Variants in ZFP90 observed in about 807,000 individuals in gnomAD.
ZFP90 encodes zinc finger protein 90 homolog.
A neutral mutation model predicts 60.8 loss-of-function variants in ZFP90; 38 were observed. The ratio of observed to expected loss-of-function variants is 0.62; its 90% confidence interval spans 0.48 to 0.82. The LOEUF (loss-of-function observed/expected upper bound fraction) is 0.82. Among genes scored for constraint, ZFP90 ranks in the 40% least tolerant of loss-of-function variants. The probability of loss-of-function intolerance (pLI) is 0.00; values close to 1 mark genes in which losing one functional copy is unlikely to be tolerated. For missense variants in ZFP90, 711 were observed against 759.1 expected, an observed-to-expected ratio of 0.94 and a Z score of 0.74; for synonymous variants, 287 against 264.8, an observed-to-expected ratio of 1.08 and a Z score of -0.82.
At chr16:68,555,297 G>A (rs1219724206) in intron 2 of ZFP90, 3 of 152,138 alleles carry the variant, frequency 2.0e-5, no homozygotes, top group Non-Finnish European at 4.4e-5. Flanking sequence ...GTAAATCCAG[G>A]CACCTTGTAA....
intron 2 of ZFP90, among the ~76,000 whole-genome samples, chr16:68,541,021 C>G (rs2091039413): frequency 6.7e-6 from 1 of 150,050 alleles, no homozygotes; most frequent in Non-Finnish European, 1.5e-5. Flanking sequence ...CCATGCCCGG[C>G]TAATTTTTGT....
chr16:68,539,746 C>T lies in ZFP90; in HGVS notation c.-35-12C>T, dbSNP rs756527239. ...TGCAGCGGGGTGAGTGGGCCCTGTC[C>T]TTTCTCCCCAGCTCCTGCCCCGGAG... is the stretch of plus-strand genomic sequence containing the variant. On this transcript the variant is annotated splice_polypyrimidine_tract_variant and intron_variant, in intron 1 of 4. Coordinates refer to ENST00000563169, the MANE Select transcript of ZFP90 (RefSeq NM_001305203.2). 28 of 1,545,288 alleles carry T rather than the reference C, an allele frequency of 1.8e-5. No homozygotes were observed. The East Asian group carries it at 3.8e-4, about 21-fold the overall frequency.
chr16:68,552,666 A>AG (rs1480871458), intron 2 of ZFP90, among the ~76,000 whole-genome samples: 1 of 152,156 alleles, frequency 6.6e-6, no homozygotes, highest in Non-Finnish European at 1.5e-5. Context: ...GAGAAGCCAG[A>AG]GTGGGGGCTG....
chr16:68,559,995 A>C (rs976784750), intron 4 of ZFP90, among the ~76,000 whole-genome samples: 2 of 152,156 alleles, frequency 1.3e-5, no homozygotes, highest in African/African-American at 4.8e-5. Context: ...TTGCTTCCCA[A>C]AGTGTTGGGA....
Position 68,563,942 on chromosome 16 carries a change from G to C in ZFP90, c.1155G>C (p.Glu385Asp). The C allele has an allele frequency of 6.2e-7, 1 of 1,614,162 alleles. No individual in the cohort carries two copies. The highest frequency in any genetic ancestry group is 8.5e-7 in the Non-Finnish European group (1 of 1,180,016). ...FSRCSSLVQH[E>D]RTHTGEKPFE... The stretch of plus-strand genomic sequence containing the variant: ...GATGTTCTTCCCTTGTCCAACATGA[G>C]AGGACTCATACTGGAGAGAAACCTT... The change falls in exon 5 of 5, where the codon GAG (glutamate) becomes GAC (aspartate). Residue 385 changes from glutamate to aspartate, a missense_variant. By Grantham distance (45) the Glu-to-Asp change is conservative. This residue lies in a region of ZFP90 where 146 missense variants were observed against 201.4 expected (regional missense o/e 0.73). Coordinates refer to ENST00000563169, the MANE Select transcript of ZFP90 (RefSeq NM_001305203.2).
chr16:68,556,500 C>T (rs1386536231), intron 2 of ZFP90, among the ~76,000 whole-genome samples: 1 of 152,208 alleles, frequency 6.6e-6, no homozygotes, highest in Non-Finnish European at 1.5e-5. Flanking sequence ...GAAATAATCA[C>T]AGTACCTGCT....
intron 2 of ZFP90, chr16:68,557,363 G>A: frequency 2.3e-6 from 1 of 439,444 alleles, no homozygotes; most frequent in Admixed American, 2.4e-5. Flanking sequence ...TTAATCAGTG[G>A]GTACCTGTGA....
Position 68,565,694 on chromosome 16 carries a change from T to C in ZFP90, c.*996T>C. 3.0e-6 allele frequency: 3 copies of C among 983,972 alleles called. No individual in the cohort carries two copies. The highest frequency in any genetic ancestry group is 3.6e-6 in the Non-Finnish European group (3 of 829,710). 61.0% of individuals were successfully genotyped at this position (983,972 alleles called of 1,614,324 possible). On this transcript the variant is annotated 3_prime_UTR_variant, in exon 5 of 5. Transcript: ENST00000563169. ...GATCAATGGGAAAACAACAGAAAACTAAGAGGAGAATTTTCCCGTTAATTT... is the reference window on the plus strand; with the variant it reads ...GATCAATGGGAAAACAACAGAAAACCAAGAGGAGAATTTTCCCGTTAATTT...
At chr16:68,575,068 G>C (rs2091587098) in intron 2 of ZFP90, among the ~76,000 whole-genome samples, 1 of 152,174 alleles carries the variant, frequency 6.6e-6, no homozygotes, top group Admixed American at 6.5e-5. Context: ...GGGAAAATAA[G>C]CTGTGGTTTA....
chr16:68,565,741 A>G lies in ZFP90; in HGVS notation c.*1043A>G, dbSNP rs1039432407. 7.1e-6 allele frequency: 7 copies of G among 985,280 alleles called. No individual in the cohort carries two copies. The African/African-American group carries it at 1.0e-4, about 15-fold the overall frequency. The allele number at this position is 985,280 out of a possible 1,614,324, so 61.0% of individuals were successfully genotyped here. A position where few individuals can be genotyped will look rare whatever the true frequency, so the allele number is the denominator to read the frequency against. ...ATTTTCTTGCAGAAAAGTTAAGTCT[A>G]ATTGCCCATTGCCATAAATTTTGCC... On this transcript the variant is annotated 3_prime_UTR_variant, in exon 5 of 5. Transcript: ENST00000563169.
rs1381211416 is a variant in ZFP90, at chr16:68,566,361, A to T, written c.*1663A>T. On this transcript the variant is annotated 3_prime_UTR_variant, in exon 5 of 5. Transcript: ENST00000563169. ...GATAGATAAATTTTCCCAGCCCTAA[A>T]TATGAATCATGGGGCAAGATATTGG... The T allele has an allele frequency of 3.5e-5, 34 of 985,392 alleles. No homozygotes were observed. The Admixed American group carries it at 6.8e-4, about 20-fold the overall frequency. The allele number at this position is 985,392 out of a possible 1,614,324, so 61.0% of individuals were successfully genotyped here.
At chr16:68,533,952 T>C (rs1178009641) in intron 2 of ZFP90, 2 of 152,236 alleles carry the variant, frequency 1.3e-5, no homozygotes, top group African/African-American at 4.8e-5. Context: ...TTTATTCATC[T>C]GGCTTGGAGT....
chr16:68,539,195 AGGCGGGGCCTGCGCGCGCGGGCCTCT>A, upstream of ZFP90: 1 of 152,452 alleles, frequency 6.6e-6, no homozygotes, highest in East Asian at 1.9e-4. Flanking sequence ...GAAGCCGCCT[AGGCGGGGCCTGCGCGCGCGGGCCTCT>A]GGGAAGTGTA....
intron 2 of ZFP90, chr16:68,573,783 A>G (rs939690851): frequency 1.3e-5 from 2 of 152,230 alleles, no homozygotes; most frequent in Non-Finnish European, 2.9e-5. Context: ...TGTTGCACAC[A>G]CATGTCAAGA....
chr16:68,549,782 C>T (rs920181068), intron 2 of ZFP90, among the ~76,000 whole-genome samples: 2 of 149,480 alleles, frequency 1.3e-5, no homozygotes, highest in Non-Finnish European at 3.0e-5. Flanking sequence ...ATGGGGAGCA[C>T]GGAGGATGTG....
chr16:68,575,925 T>C (rs1356176386), exon 3 of ZFP90: 3 of 397,420 alleles, frequency 7.5e-6, no homozygotes, highest in Admixed American at 4.4e-5. Flanking sequence ...CTCTGCCCCG[T>C]ACAAGCCATG....
In ZFP90 at chr16:68,534,229, C is replaced by CTTTTTTTTTTTTTTTTTTT. The variant is rs1555496914; in HGVS notation, c.-36+377_-36+378insTTTTTTTTTTTTTTTTTTT. Among the ~76,000 whole-genome samples the CTTTTTTTTTTTTTTTTTTT allele has an allele frequency of 2.2e-5, 3 of 135,148 alleles. 1 individual carries two copies. The highest frequency in any genetic ancestry group is 1.6e-5 in the Non-Finnish European group (1 of 64,078). 88.7% of individuals were successfully genotyped at this position (135,148 alleles called of 152,430 possible). A position where few individuals can be genotyped will look rare whatever the true frequency, so the allele number is the denominator to read the frequency against. ...CATTTTTAACTTAAAGATTTTCTTT[C>CTTTTTTTTTTTTTTTTTTT]TTTCTTTTTTTTTTTTTGAGACAGC... is the stretch of plus-strand genomic sequence containing the variant. On this transcript the variant is annotated intron_variant, in intron 2 of 3. Transcript: ENST00000569109.
At chr16:68,575,086 T>C (rs1437778427) in intron 2 of ZFP90, among the ~76,000 whole-genome samples, 3 of 152,158 alleles carry the variant, frequency 2.0e-5, no homozygotes, top group Non-Finnish European at 4.4e-5. Flanking sequence ...TTAGACAACT[T>C]AGGACAACTG....
chr16:68,559,575 A>ATTAAT (rs929193852), intron 4 of ZFP90, among the ~76,000 whole-genome samples: 1 of 150,212 alleles, frequency 6.7e-6, no homozygotes, highest in Non-Finnish European at 1.5e-5. Flanking sequence ...TAATTAATTA[A>ATTAAT]TAATTTTATT....
Sources: gnomAD v4.1 joint callset for allele counts (sites outside exome capture counted in the v4.1 genomes callset) on GRCh38, gnomAD v4.1.1 for gene constraint, gnomAD v4.1.1 regional missense constraint, MANE v1.5 for transcripts, NCBI Gene and HGNC (gene_info 2026-07-23, HGNC 2026-07-21) for gene names.